The following MARCO variants were observed in gnomAD, a reference collection of about 807,000 sequenced individuals.
MARCO encodes macrophage receptor MARCO.
A neutral mutation model predicts 70.0 loss-of-function variants in MARCO; 72 were observed. The ratio of observed to expected loss-of-function variants is 1.03; its 90% confidence interval spans 0.85 to 1.25. MARCO has a LOEUF of 1.25. MARCO is among the 50% of genes most tolerant of loss of function. MARCO has a pLI of 0.00. For synonymous variants in MARCO, 273 were observed against 243.1 expected (o/e 1.12, Z -1.14); for missense variants, 696 against 659.3 (o/e 1.06, Z -0.61).
chr2:118,942,510 T>G (rs1444194109), intron 1 of MARCO, 113 bp downstream of exon 1: 1 of 806,966 alleles, frequency 1.2e-6, no homozygotes, highest in Admixed American at 2.2e-5. Context: ...TTGCTGCATT[T>G]TGCACGTAAT....
In MARCO at chr2:118,990,598, G is replaced by C. The variant is rs781748440; in HGVS notation, c.1073G>C (p.Gly358Ala). 1 of 1,588,024 alleles carries C rather than the reference G, an allele frequency of 6.3e-7. No homozygotes were observed. ...TTTGTTTTGATCTTAGGACTTCAAG[G>C]ACAGCAAGGAAGAAAAGGAGAATCA... ...KGSKGDTGLQ[G>A]QQGRKGESGV... Residue 358 changes from glycine to alanine, a missense_variant, in exon 13 of 17, where the codon GGA becomes GCA. Physicochemically the swap from Gly to Ala is moderately conservative, Grantham distance 60. Coordinates refer to ENST00000327097, the MANE Select transcript of MARCO (RefSeq NM_006770.4).
intron 6 of MARCO, among the ~76,000 whole-genome samples, chr2:118,975,714 T>G (rs1680268698): frequency 6.6e-6 from 1 of 152,092 alleles, no homozygotes. Context: ...ACCAATGTAA[T>G]CACACTCATG....
In MARCO at chr2:118,986,586, GAAGAAAGAAAGA is replaced by G. The variant is rs755693328; in HGVS notation, c.1064-3945_1064-3934del. Among the ~76,000 whole-genome samples, 91 of 46,714 alleles carry G rather than the reference GAAGAAAGAAAGA, an allele frequency of 1.9e-3. 1 individual carries two copies. The highest frequency in any genetic ancestry group is 8.6e-3 in the South Asian group (11 of 1,278). 30.6% of individuals were successfully genotyped at this position (46,714 alleles called of 152,430 possible). A position where few individuals can be genotyped will look rare whatever the true frequency, so the allele number is the denominator to read the frequency against. On this transcript the variant is annotated intron_variant, in intron 12 of 16. Coordinates refer to ENST00000327097, the MANE Select transcript of MARCO (RefSeq NM_006770.4). ...GGAGGGAGGGAGGGAGGGAAGGAAAGAAGAAAGAAAGAAAGAAAGAAAGAAAGAAAGAAAGAA... is the reference window on the plus strand; with the variant it reads ...GGAGGGAGGGAGGGAGGGAAGGAAAGAAGAAAGAAAGAAAGAAAGAAAGAA...
At chr2:118,987,955 G>C (rs1680547410) in intron 12 of MARCO, among the ~76,000 whole-genome samples, 1 of 152,184 alleles carries the variant, frequency 6.6e-6, no homozygotes, top group Non-Finnish European at 1.5e-5. Context: ...TGGAACAAAG[G>C]TGCCTTCAGG....
chr2:118,945,231 T>G (rs1679572983), intron 1 of MARCO, among the ~76,000 whole-genome samples: 2 of 152,024 alleles, frequency 1.3e-5, no homozygotes, highest in Admixed American at 6.6e-5. Context: ...GGCAATATCT[T>G]TCTGGGATGT....
chr2:118,985,716 A>G (rs1680472118), intron 12 of MARCO, among the ~76,000 whole-genome samples: 1 of 152,220 alleles, frequency 6.6e-6, no homozygotes, highest in Admixed American at 6.5e-5. Context: ...AGAAATAAGG[A>G]AGGACTCCAC....
chr2:118,986,705 GAAAGAAAGAAAGAA>G lies in MARCO; in HGVS notation c.1064-3882_1064-3869del, dbSNP rs1558671947. On this transcript the variant is annotated intron_variant, in intron 12 of 16. Coordinates refer to ENST00000327097, the MANE Select transcript of MARCO (RefSeq NM_006770.4). ...AGAAAGAAAGAAAGAAAGAAAGAAAGAAAGAAAGAAAGAAAGAAAAGAAAGAAAGAAAGAGAAAG... is the reference window on the plus strand; with the variant it reads ...AGAAAGAAAGAAAGAAAGAAAGAAAGAGAAAAGAAAGAAAGAAAGAGAAAG... Among the ~76,000 whole-genome samples the G allele has an allele frequency of 2.1e-3, 170 of 80,676 alleles. 31 individuals carry two copies. Among genetic ancestry groups the G allele is most frequent in the East Asian group, 0.013 (31 of 2,384 alleles). 52.9% of individuals were successfully genotyped at this position (80,676 alleles called of 152,430 possible). A position where few individuals can be genotyped will look rare whatever the true frequency, so the allele number is the denominator to read the frequency against.
At chr2:118,977,803 ATC>A in intron 7 of MARCO, 23 bp from the exon 8 acceptor site, 2 of 1,576,056 alleles carry the variant, frequency 1.3e-6, no homozygotes, top group Non-Finnish European at 1.7e-6. Context: ...GTGGGAGCCC[ATC>A]TCACCAGCCA....
chr2:118,959,672 A>T (rs1679905689), intron 1 of MARCO, among the ~76,000 whole-genome samples: 1 of 152,242 alleles, frequency 6.6e-6, no homozygotes. Context: ...TGTTTGAAAA[A>T]GATACTTGCA....
At chr2:118,974,728 G>A (rs1333909535) in intron 6 of MARCO, among the ~76,000 whole-genome samples, 163 bp downstream of exon 6, 1 of 152,212 alleles carries the variant, frequency 6.6e-6, no homozygotes, top group Non-Finnish European at 1.5e-5. Flanking sequence ...AGGCTGGGAA[G>A]CACCCTTTCT....
chr2:118,987,879 G>A (rs1248397401), intron 12 of MARCO, among the ~76,000 whole-genome samples: 1 of 152,228 alleles, frequency 6.6e-6, no homozygotes, highest in Non-Finnish European at 1.5e-5. Context: ...AGGGAGGCTG[G>A]AGGTGTCTTG....
Position 118,990,593 on chromosome 2 carries a change from T to G in MARCO, c.1068T>G (p.Leu356=). ...GLKGSKGDTG[L]QGQQGRKGES... is the part of the protein sequence containing the mutation. ...CCTTTTTTGTTTTGATCTTAGGACT[T>G]CAAGGACAGCAAGGAAGAAAAGGAG... Residue 356 remains leucine (L), a synonymous_variant, in exon 13 of 17, where the codon CTT becomes CTG. Coordinates refer to ENST00000327097, the MANE Select transcript of MARCO (RefSeq NM_006770.4). The G allele has an allele frequency of 7.1e-7, 1 of 1,405,708 alleles. No homozygotes were observed. Among genetic ancestry groups the G allele is most frequent in the East Asian group, 3.3e-5 (1 of 30,694 alleles). The allele number at this position is 1,405,708 out of a possible 1,614,324, so 87.1% of individuals were successfully genotyped here.
chr2:118,961,438 T>G (rs1180822509), intron 1 of MARCO, among the ~76,000 whole-genome samples: 1 of 152,248 alleles, frequency 6.6e-6, no homozygotes, highest in Non-Finnish European at 1.5e-5. Context: ...TATCTCATTG[T>G]GGTTTTGATT....
At chr2:118,991,704 A>T in intron 13 of MARCO, 73 bp from the exon 14 acceptor site, 1 of 814,246 alleles carries the variant, frequency 1.2e-6, no homozygotes. Context: ...CATTTATTAA[A>T]CAGTAATGCC....
At chr2:118,977,108 T>G (rs1223040549) in intron 6 of MARCO, among the ~76,000 whole-genome samples, 1 of 152,198 alleles carries the variant, frequency 6.6e-6, no homozygotes, top group African/African-American at 2.4e-5. Context: ...CCAGATGGGA[T>G]TAATCTCTTC....
chr2:118,987,508 A>G (rs1680539607), intron 12 of MARCO, among the ~76,000 whole-genome samples: 1 of 152,238 alleles, frequency 6.6e-6, no homozygotes, highest in East Asian at 1.9e-4. Flanking sequence ...AAGGCATTTC[A>G]TCAAGGTCCA....
intron 1 of MARCO, among the ~76,000 whole-genome samples, chr2:118,954,610 C>G (rs558111600): frequency 6.6e-6 from 1 of 152,196 alleles, no homozygotes; most frequent in Admixed American, 6.5e-5. Flanking sequence ...GCAGGCCAAC[C>G]AGCACAAAAA....
Position 118,990,569 on chromosome 2 carries a change from C to CGGGGGTGT in MARCO, c.1064-20_1064-19insGGGGGTGT. The CGGGGGTGT allele has an allele frequency of 1.4e-6, 2 of 1,415,984 alleles. No homozygotes were observed. The highest frequency in any genetic ancestry group is 1.9e-6 in the Non-Finnish European group (2 of 1,028,340). 87.7% of individuals were successfully genotyped at this position (1,415,984 alleles called of 1,614,324 possible). ...AGTTTTATTATCTCCTCCCCCCCCC[C>CGGGGGTGT]TTTTTTGTTTTGATCTTAGGACTTC... On this transcript the variant is annotated intron_variant, in intron 12 of 16. Transcript: ENST00000327097.
intron 1 of MARCO, among the ~76,000 whole-genome samples, chr2:118,961,009 A>G (rs185092028): frequency 3.0e-3 from 458 of 152,200 alleles, no homozygotes; most frequent in Non-Finnish European, 4.4e-3. Flanking sequence ...CTGTTCCTAC[A>G]TTAGTTTTCT....
Sources: allele counts gnomAD v4.1 joint callset (sites outside exome capture counted in the v4.1 genomes callset), GRCh38; gene constraint gnomAD v4.1.1; transcripts MANE v1.5; gene names NCBI Gene and HGNC (gene_info 2026-07-23, HGNC 2026-07-21).